Variants in DMRTA2 observed in about 807,000 individuals in gnomAD.
The protein encoded by DMRTA2 is doublesex- and mab-3-related transcription factor A2.
DMRTA2 carries 10 observed loss-of-function variants against 29.7 expected under a neutral mutation model. The ratio of observed to expected loss-of-function variants is 0.34; its 90% confidence interval spans 0.21 to 0.57. DMRTA2 has a LOEUF of 0.57. Among genes scored for constraint, DMRTA2 ranks in the 20% least tolerant of loss-of-function variants. The pLI is 0.87. For synonymous variants in DMRTA2, 469 were observed against 402.6 expected, an observed-to-expected ratio of 1.16 and a Z score of -1.97; for missense variants, 783 against 812.1, an observed-to-expected ratio of 0.96 and a Z score of 0.44.
chr1:50,418,634 T>A lies in DMRTA2; in HGVS notation c.*31A>T. 1 of 1,365,158 alleles carries A rather than the reference T, an allele frequency of 7.3e-7. No individual in the cohort carries two copies. Among genetic ancestry groups the A allele is most frequent in the East Asian group, 3.1e-5 (1 of 32,752 alleles). The allele number at this position is 1,365,158 out of a possible 1,614,324, so 84.6% of individuals were successfully genotyped here. On this transcript the variant is annotated 3_prime_UTR_variant, in exon 3 of 3. Transcript: ENST00000404795. Reference sequence around the variant, plus strand: ...CGGGAACAGGGCTGGGGTTCCTGTTTGGGGACCGGCCGGCTGCCAGGCCCC... The same window carrying A: ...CGGGAACAGGGCTGGGGTTCCTGTTAGGGGACCGGCCGGCTGCCAGGCCCC...
At position 50,420,152 on chromosome 1, in the gene DMRTA2, C is replaced by T. The variant is rs1484729436; in HGVS notation, c.560-418G>A. On this transcript the variant is annotated intron_variant, in intron 2 of 2. Transcript: ENST00000404795. This position sits in a 1 kb window ranked among gnomAD's most constrained non-coding sequence, Gnocchi z 4.1. Reference sequence around the variant, plus strand: ...GCCCACTGTATAGAAAATGCCTGCCCTGGCAGTGCAGCCTGTAAGGAAAGG... The same window carrying T: ...GCCCACTGTATAGAAAATGCCTGCCTTGGCAGTGCAGCCTGTAAGGAAAGG... Among the ~76,000 whole-genome samples the T allele has an allele frequency of 2.0e-5, 3 of 152,156 alleles. No individual in the cohort carries two copies. Among genetic ancestry groups the T allele is most frequent in the African/African-American group, 7.2e-5 (3 of 41,438 alleles).
Position 50,423,399 on chromosome 1 carries a change from G to C in DMRTA2, c.-292C>G, listed in dbSNP as rs933536709. 2.6e-5 allele frequency: 4 copies of C among 152,278 alleles called. No homozygotes were observed. The highest frequency in any genetic ancestry group is 6.8e-3 in the Middle Eastern group (2 of 294). The allele number at this position is 152,278 out of a possible 1,614,324, so 9.4% of individuals were successfully genotyped here. ...CCCCTCGCGGTGCGCGCCGGACGCT[G>C]CGCGCAGCCGGGGCCCAGTTGCCCG... On this transcript the variant is annotated 5_prime_UTR_variant, in exon 1 of 3. Transcript: ENST00000404795.
chr1:50,418,908 GCCGAGCGGCGCGCCCAGCGGGTAGGCGC>G lies in DMRTA2; in HGVS notation c.1358_1385del (p.Gly453AlafsTer130). On this transcript the variant is annotated frameshift_variant, in exon 3 of 3. Transcript: ENST00000404795. LOFTEE classifies it high-confidence loss of function. ...AGTAGGCCAGGCGCAGGGGGCTGAG[GCCGAGCGGCGCGCCCAGCGGGTAGGCGC>G]CCGCGTCGGCACCGAAGTGACTGGC... The G allele has an allele frequency of 6.9e-7, 1 of 1,445,336 alleles. No homozygotes were observed. The highest frequency in any genetic ancestry group is 9.0e-7 in the Non-Finnish European group (1 of 1,105,514). 89.5% of individuals were successfully genotyped at this position (1,445,336 alleles called of 1,614,324 possible). A position where few individuals can be genotyped will look rare whatever the true frequency, so the allele number is the denominator to read the frequency against.
rs1646017980 is a variant in DMRTA2, at chr1:50,419,376, G to T, written c.918C>A (p.Gly306=). Residue 306 remains glycine, a synonymous_variant, in exon 3 of 3, where the codon GGC becomes GGA. Coordinates refer to ENST00000404795, the MANE Select transcript of DMRTA2 (RefSeq NM_032110.3). This position sits in a 1 kb window ranked among gnomAD's most constrained non-coding sequence, Gnocchi z 6.1. ...EGEAAPAPGL[G]GGSGPRQRTP... ...TCCGCTGCCGTGGACCCGAGCCTCC[G>T]CCCAGCCCTGGCGCCGGCGCGGCCT... The T allele has an allele frequency of 1.3e-6, 2 of 1,596,660 alleles. No individual in the cohort carries two copies. The highest frequency in any genetic ancestry group is 2.7e-5 in the African/African-American group (2 of 74,664).
Position 50,420,967 on chromosome 1 carries a change from C to T in DMRTA2, c.559+11G>A, listed in dbSNP as rs769516877. 2.1e-6 allele frequency: 3 copies of T among 1,453,308 alleles called. No individual in the cohort carries two copies. Among genetic ancestry groups the T allele is most frequent in the South Asian group, 1.4e-5 (1 of 72,978 alleles). The allele number at this position is 1,453,308 out of a possible 1,614,324, so 90.0% of individuals were successfully genotyped here. A position where few individuals can be genotyped will look rare whatever the true frequency, so the allele number is the denominator to read the frequency against. On this transcript the variant is annotated intron_variant, in intron 2 of 2. Transcript: ENST00000404795. This position sits in a 1 kb window ranked among gnomAD's most constrained non-coding sequence, Gnocchi z 4.1. ...CTGCTGCCCCTACCTGCGGCCTGGC[C>T]GCGCTCTCACCTGAGCCCCCTGCGC...
rs1269941177 is a variant in DMRTA2 at position 50,421,075 on chromosome 1, G to A, written c.462C>T (p.Tyr154=). ...CGGCGCACACTGAACCGAAGACCTC[G>A]TAGGCGGGCCTCGGGGGGATGATGC... ...ANGIIPPRPA[Y]EVFGSVCAAD... is the part of the protein sequence containing the mutation. The change falls in exon 2 of 3, where the codon TAC becomes TAT. Residue 154 remains tyrosine, a synonymous_variant. Transcript: ENST00000404795. The surrounding 1 kb of genome is among the most constrained non-coding windows in gnomAD (Gnocchi z 8.7). The A allele has an allele frequency of 7.2e-6, 11 of 1,521,902 alleles. No homozygotes were observed. Among genetic ancestry groups the A allele is most frequent in the Admixed American group, 2.0e-5 (1 of 49,922 alleles). The allele number at this position is 1,521,902 out of a possible 1,614,324, so 94.3% of individuals were successfully genotyped here.
At position 50,420,417 on chromosome 1, in the gene DMRTA2, G is replaced by A. The variant is rs954165028; in HGVS notation, c.559+561C>T. On this transcript the variant is annotated intron_variant, in intron 2 of 2. Coordinates refer to ENST00000404795, the MANE Select transcript of DMRTA2 (RefSeq NM_032110.3). This position sits in a 1 kb window ranked among gnomAD's most constrained non-coding sequence, Gnocchi z 4.1. Reference sequence around the variant, plus strand: ...TAGGAAGCGAAGAGGAAAAGACATAGGAAAGCAGACCTGAGAAACCAGGGA... The same window carrying A: ...TAGGAAGCGAAGAGGAAAAGACATAAGAAAGCAGACCTGAGAAACCAGGGA... Among the ~76,000 whole-genome samples the A allele has an allele frequency of 2.6e-5, 4 of 152,142 alleles. No individual in the cohort carries two copies. The highest frequency in any genetic ancestry group is 7.2e-5 in the African/African-American group (3 of 41,430).
chr1:50,421,776 G>A lies in DMRTA2; in HGVS notation c.-8-232C>T. The A allele has an allele frequency of 2.7e-6, 1 of 366,860 alleles. No homozygotes were observed. The allele number at this position is 366,860 out of a possible 1,614,324, so 22.7% of individuals were successfully genotyped here. A position where few individuals can be genotyped will look rare whatever the true frequency, so the allele number is the denominator to read the frequency against. On this transcript the variant is annotated intron_variant, in intron 1 of 2. Coordinates refer to ENST00000404795, the MANE Select transcript of DMRTA2 (RefSeq NM_032110.3). This position sits in a 1 kb window ranked among gnomAD's most constrained non-coding sequence, Gnocchi z 8.7. ...CTCTTAGACCTGATATACACGCTAGGGGTAAGATTTTGTCTGAATTAGTGA... is the reference window on the plus strand; with the variant it reads ...CTCTTAGACCTGATATACACGCTAGAGGTAAGATTTTGTCTGAATTAGTGA...
Position 50,418,880 on chromosome 1 carries a change from C to G in DMRTA2, c.1414G>C (p.Ala472Pro). Residue 472 changes from alanine (A) to proline (P), a missense_variant, in exon 3 of 3, where the codon GCG becomes CCG. By Grantham distance (27) the Ala-to-Pro change is conservative. This residue lies in a region of DMRTA2 where 667 missense variants were observed against 624.8 expected (regional missense o/e 1.07). Coordinates refer to ENST00000404795, the MANE Select transcript of DMRTA2 (RefSeq NM_032110.3). Reference sequence around the variant, plus strand: ...AGACCGCGGCTGTGCGCCGCCGCCGCGGAGTAGGCCAGGCGCAGGGGGCTG... The same window carrying G: ...AGACCGCGGCTGTGCGCCGCCGCCGGGGAGTAGGCCAGGCGCAGGGGGCTG... ...GLSPLRLAYS[A>P]AAAHSRGLAF... is the part of the protein sequence containing the mutation. 2.7e-6 allele frequency: 4 copies of G among 1,509,150 alleles called. No individual in the cohort carries two copies. Among genetic ancestry groups the G allele is most frequent in the Non-Finnish European group, 3.5e-6 (4 of 1,134,636 alleles). The allele number at this position is 1,509,150 out of a possible 1,614,324, so 93.5% of individuals were successfully genotyped here. A position where few individuals can be genotyped will look rare whatever the true frequency, so the allele number is the denominator to read the frequency against.
chr1:50,421,745 T>C lies in DMRTA2; in HGVS notation c.-8-201A>G, dbSNP rs1646040595. 8.8e-6 allele frequency: 4 copies of C among 454,462 alleles called. No individual in the cohort carries two copies. Among genetic ancestry groups the C allele is most frequent in the Non-Finnish European group, 1.0e-5 (3 of 288,658 alleles). The allele number at this position is 454,462 out of a possible 1,614,324, so 28.2% of individuals were successfully genotyped here. The stretch of plus-strand genomic sequence containing the variant: ...TAGCACCTTCACCCCAGTCTGGCCA[T>C]GGCTGCTCTTAGACCTGATATACAC... On this transcript the variant is annotated intron_variant, in intron 1 of 2. Coordinates refer to ENST00000404795, the MANE Select transcript of DMRTA2 (RefSeq NM_032110.3). This position sits in a 1 kb window ranked among gnomAD's most constrained non-coding sequence, Gnocchi z 8.7.
Position 50,419,042 on chromosome 1 carries a change from G to A in DMRTA2, c.1252C>T (p.Pro418Ser). ...GGCGCCATGGCGCCGGCCAGCAAGG[G>A]TCTGTGGTGCGGAGGTGCGGCGGGC... The part of the protein sequence containing the change: ...AGPAAPPHHR[P>S]LLAGAMAPGA... Residue 418 changes from proline to serine, a missense_variant, in exon 3 of 3, where the codon CCC (proline) becomes TCC (serine). Transcript: ENST00000404795. This position sits in a 1 kb window ranked among gnomAD's most constrained non-coding sequence, Gnocchi z 6.1. 7.3e-7 allele frequency: 1 copy of A among 1,362,598 alleles called. No individual in the cohort carries two copies. Among genetic ancestry groups the A allele is most frequent in the Non-Finnish European group, 9.4e-7 (1 of 1,062,784 alleles). 84.4% of individuals were successfully genotyped at this position (1,362,598 alleles called of 1,614,324 possible). A position where few individuals can be genotyped will look rare whatever the true frequency, so the allele number is the denominator to read the frequency against.
In DMRTA2 at chr1:50,419,288, A is replaced by G. The variant is rs1216331827; in HGVS notation, c.1006T>C (p.Leu336=). ...GHRRGVLELV[L]QGCGGDVVQA... is the part of the protein sequence containing the mutation. ...ACCACGTCGCCGCCGCAGCCCTGCA[A>G]CACCAGCTCCAGGACGCCTCGCCGG... The change falls in exon 3 of 3, where the codon TTG becomes CTG. Residue 336 remains leucine (L), a synonymous_variant. Coordinates refer to ENST00000404795, the MANE Select transcript of DMRTA2 (RefSeq NM_032110.3). This position sits in a 1 kb window ranked among gnomAD's most constrained non-coding sequence, Gnocchi z 6.1. The G allele has an allele frequency of 6.3e-7, 1 of 1,593,976 alleles. No individual in the cohort carries two copies. The highest frequency in any genetic ancestry group is 1.3e-5 in the African/African-American group (1 of 74,296).
Position 50,418,438 on chromosome 1 carries a change from C to A in DMRTA2, c.*227G>T. Reference sequence around the variant, plus strand: ...GGGATCCGGAGGTAGGAGATGAGGACCCAGGCCGCGCACCCCCTCCGAGAA... The same window carrying A: ...GGGATCCGGAGGTAGGAGATGAGGAACCAGGCCGCGCACCCCCTCCGAGAA... On this transcript the variant is annotated 3_prime_UTR_variant, in exon 3 of 3. Coordinates refer to ENST00000404795, the MANE Select transcript of DMRTA2 (RefSeq NM_032110.3). 2.6e-6 allele frequency: 1 copy of A among 387,334 alleles called. No homozygotes were observed. Among genetic ancestry groups the A allele is most frequent in the Non-Finnish European group, 4.5e-6 (1 of 220,238 alleles). The allele number at this position is 387,334 out of a possible 1,614,324, so 24.0% of individuals were successfully genotyped here. A position where few individuals can be genotyped will look rare whatever the true frequency, so the allele number is the denominator to read the frequency against.
chr1:50,419,198 C>T lies in DMRTA2; in HGVS notation c.1096G>A (p.Ala366Thr), dbSNP rs1646016022. The T allele has an allele frequency of 1.4e-6, 2 of 1,380,452 alleles. No individual in the cohort carries two copies. The highest frequency in any genetic ancestry group is 3.0e-5 in the African/African-American group (2 of 66,228). The allele number at this position is 1,380,452 out of a possible 1,614,324, so 85.5% of individuals were successfully genotyped here. A position where few individuals can be genotyped will look rare whatever the true frequency, so the allele number is the denominator to read the frequency against. Residue 366 changes from alanine to threonine, a missense_variant, in exon 3 of 3, where the codon GCG (alanine) becomes ACG (threonine). Physicochemically the swap from Ala to Thr is moderately conservative, Grantham distance 58. Coordinates refer to ENST00000404795, the MANE Select transcript of DMRTA2 (RefSeq NM_032110.3). This position sits in a 1 kb window ranked among gnomAD's most constrained non-coding sequence, Gnocchi z 6.1. Reference protein sequence around the residue: ...GGLAAGLGPAAPPDKAAVGAA... With the variant: ...GGLAAGLGPATPPDKAAVGAA... Reference sequence around the variant, plus strand: ...CCCACGGCGGCCTTATCTGGGGGCGCCGCAGGGCCCAGGCCGGCCGCCAGG... The same window carrying T: ...CCCACGGCGGCCTTATCTGGGGGCGTCGCAGGGCCCAGGCCGGCCGCCAGG...
rs1646035231 is a variant in DMRTA2 at position 50,421,135 on chromosome 1, G to A, written c.402C>T (p.Gly134=). ...NEARELQLLY[G]TAEGLALAAA... ...CGGCCAGCGCCAGCCCCTCGGCAGTGCCGTAGAGCAGCTGCAGCTCGCGCG... is the reference window on the plus strand; with the variant it reads ...CGGCCAGCGCCAGCCCCTCGGCAGTACCGTAGAGCAGCTGCAGCTCGCGCG... The change falls in exon 2 of 3, where the codon GGC becomes GGT. Residue 134 remains glycine (G), a synonymous_variant. Transcript: ENST00000404795. This position sits in a 1 kb window ranked among gnomAD's most constrained non-coding sequence, Gnocchi z 8.7. 3.3e-6 allele frequency: 5 copies of A among 1,531,032 alleles called. No homozygotes were observed. The highest frequency in any genetic ancestry group is 4.4e-6 in the Non-Finnish European group (5 of 1,141,950). 94.8% of individuals were successfully genotyped at this position (1,531,032 alleles called of 1,614,324 possible).
Position 50,419,707 on chromosome 1 carries a change from A to C in DMRTA2, c.587T>G (p.Phe196Cys). Residue 196 changes from phenylalanine (F) to cysteine (C), a missense_variant, in exon 3 of 3, where the codon TTT (phenylalanine) becomes TGT (cysteine). This residue lies in a region of DMRTA2 where 667 missense variants were observed against 624.8 expected (regional missense o/e 1.07). Transcript: ENST00000404795. The surrounding 1 kb of genome is among the most constrained non-coding windows in gnomAD (Gnocchi z 6.1). ...GCCTGCCTGCAGCAGCGTCTTAGGA[A>C]ACAGGTCAAACTTCTGCAACTTGGC... ...SEAKLQKFDL[F>C]PKTLLQAGRP... 6.7e-7 allele frequency: 1 copy of C among 1,493,398 alleles called. No homozygotes were observed. Among genetic ancestry groups the C allele is most frequent in the Non-Finnish European group, 8.9e-7 (1 of 1,126,220 alleles). 92.5% of individuals were successfully genotyped at this position (1,493,398 alleles called of 1,614,324 possible).
At position 50,420,722 on chromosome 1, in the gene DMRTA2, G is replaced by C. The variant is rs1646030898; in HGVS notation, c.559+256C>G. Among the ~76,000 whole-genome samples the C allele has an allele frequency of 6.6e-6, 1 of 152,178 alleles. No individual in the cohort carries two copies. Among genetic ancestry groups the C allele is most frequent in the South Asian group, 2.1e-4 (1 of 4,828 alleles). ...GACCTGCCTGCGTTTGGGTAGAGGCGAGTAAAAAAATTAAAGCGTGTACAT... is the reference window on the plus strand; with the variant it reads ...GACCTGCCTGCGTTTGGGTAGAGGCCAGTAAAAAAATTAAAGCGTGTACAT... On this transcript the variant is annotated intron_variant, in intron 2 of 2. Coordinates refer to ENST00000404795, the MANE Select transcript of DMRTA2 (RefSeq NM_032110.3). The surrounding 1 kb of genome is among the most constrained non-coding windows in gnomAD (Gnocchi z 4.1).
Position 50,418,603 on chromosome 1 carries a change from G to A in DMRTA2, c.*62C>T. ...GAGCGCTGGGCGAAGAGGGGTCGATGGCCCGCGGGAACAGGGCTGGGGTTC... is the reference window on the plus strand; with the variant it reads ...GAGCGCTGGGCGAAGAGGGGTCGATAGCCCGCGGGAACAGGGCTGGGGTTC... On this transcript the variant is annotated 3_prime_UTR_variant, in exon 3 of 3. Transcript: ENST00000404795. The A allele has an allele frequency of 7.8e-7, 1 of 1,283,840 alleles. No individual in the cohort carries two copies. Among genetic ancestry groups the A allele is most frequent in the Non-Finnish European group, 1.0e-6 (1 of 995,994 alleles). 79.5% of individuals were successfully genotyped at this position (1,283,840 alleles called of 1,614,324 possible).
rs2148965055 is a variant in DMRTA2 at position 50,419,252 on chromosome 1, C to T, written c.1042G>A (p.Glu348Lys). 2 of 1,578,882 alleles carry T rather than the reference C, an allele frequency of 1.3e-6. No individual in the cohort carries two copies. The highest frequency in any genetic ancestry group is 1.7e-6 in the Non-Finnish European group (2 of 1,171,678). Residue 348 changes from glutamate to lysine, a missense_variant, in exon 3 of 3, where the codon GAG becomes AAG. Glu to Lys is a moderately conservative substitution (Grantham distance 56). This residue lies in a region of DMRTA2 where 667 missense variants were observed against 624.8 expected (regional missense o/e 1.07). Coordinates refer to ENST00000404795, the MANE Select transcript of DMRTA2 (RefSeq NM_032110.3). This position sits in a 1 kb window ranked among gnomAD's most constrained non-coding sequence, Gnocchi z 6.1. ...GCGGDVVQAI[E>K]QVLNHHRGGL... is the part of the protein sequence containing the mutation. ...CCACGGTGGTGGTTCAGCACCTGCT[C>T]GATGGCCTGCACCACGTCGCCGCCG...
Sources: gnomAD v4.1 joint callset for allele counts (sites outside exome capture counted in the v4.1 genomes callset) on GRCh38, gnomAD v4.1.1 for gene constraint, gnomAD v4.1.1 regional missense constraint, Gnocchi (gnomAD v3.1) non-coding constraint, MANE v1.5 for transcripts, NCBI Gene and HGNC (gene_info 2026-07-23, HGNC 2026-07-21) for gene names.